The following NAV2 variants were observed in gnomAD, a reference collection of about 807,000 sequenced individuals.
NAV2 encodes the protein helicase, APC down-regulated 1.
A neutral mutation model predicts 223.2 loss-of-function variants in NAV2; 54 were observed. The observed-to-expected ratio is 0.24, with a 90% CI of 0.19 to 0.30. The LOEUF (loss-of-function observed/expected upper bound fraction) is 0.30, where lower values mean the gene tolerates loss of function less well. Among genes scored for constraint, NAV2 ranks in the 10% least tolerant of loss-of-function variants. The pLI, the probability that NAV2 is intolerant of heterozygous loss-of-function variation, is 1.00. For synonymous variants in NAV2, 1,279 were observed against 1,239.3 expected (o/e 1.03, Z -0.67); for missense variants, 2,806 against 3,147.5 (o/e 0.89, Z 2.60).
chr11:19,423,571 T>C (rs998546772), intron 1 of NAV2, among the ~76,000 whole-genome samples: 2 of 152,272 alleles, frequency 1.3e-5, no homozygotes, highest in Non-Finnish European at 2.9e-5. Context: ...GCATCTACTC[T>C]GTACCATGTA....
chr11:20,004,344 T>G (rs1591622864), intron 11 of NAV2, among the ~76,000 whole-genome samples: 1 of 152,216 alleles, frequency 6.6e-6, no homozygotes, highest in African/African-American at 2.4e-5. Flanking sequence ...TCCACACCTT[T>G]TTTGTGCTTC....
At chr11:20,018,837 G>A (rs2054238406) in intron 11 of NAV2, among the ~76,000 whole-genome samples, 1 of 152,184 alleles carries the variant, frequency 6.6e-6, no homozygotes, top group Non-Finnish European at 1.5e-5. Flanking sequence ...AAATCCCTGA[G>A]GAGGTGCCAT....
intron 1 of NAV2, among the ~76,000 whole-genome samples, chr11:19,589,989 C>CT (rs1385853671): frequency 1.3e-5 from 2 of 152,178 alleles, no homozygotes; most frequent in Non-Finnish European, 2.9e-5. Context: ...TGTGCCTCAA[C>CT]TTCCTCAGTC....
intron 26 of NAV2, 28 bp downstream of exon 26, chr11:20,083,207 A>G: frequency 6.3e-7 from 1 of 1,588,754 alleles, no homozygotes; most frequent in Non-Finnish European, 8.6e-7. Flanking sequence ...GTCAGATAAC[A>G]TCTTTGGCCC....
chr11:20,052,647 T>C (rs1039959598), intron 17 of NAV2, among the ~76,000 whole-genome samples: 2 of 152,192 alleles, frequency 1.3e-5, no homozygotes, highest in African/African-American at 4.8e-5. Flanking sequence ...AAATTCAGAA[T>C]AGAGATACAT....
intron 1 of NAV2, among the ~76,000 whole-genome samples, chr11:19,762,721 C>T (rs773147726): frequency 6.8e-6 from 1 of 148,140 alleles, no homozygotes; most frequent in Non-Finnish European, 1.5e-5. Flanking sequence ...TCAAGCAATT[C>T]TCCTGCCTCA....
intron 1 of NAV2, among the ~76,000 whole-genome samples, chr11:19,492,659 A>G (rs1252325360): frequency 1.3e-5 from 2 of 152,180 alleles, no homozygotes; most frequent in East Asian, 1.9e-4. Context: ...AACAATTGCT[A>G]TTTTGACTTC....
intron 1 of NAV2, among the ~76,000 whole-genome samples, chr11:19,387,032 A>G (rs1230555663): frequency 2.0e-5 from 3 of 152,152 alleles, no homozygotes. Flanking sequence ...TCCTCCAAGT[A>G]TCCTTTTTTT....
intron 6 of NAV2, among the ~76,000 whole-genome samples, chr11:19,900,648 G>T (rs2042375258): frequency 6.6e-6 from 1 of 152,026 alleles, no homozygotes; most frequent in African/African-American, 2.4e-5. Context: ...TAAATTCTAG[G>T]GTTCCCACAA....
intron 1 of NAV2, among the ~76,000 whole-genome samples, chr11:19,579,474 A>C (rs941506246): frequency 6.6e-6 from 1 of 152,136 alleles, no homozygotes; most frequent in Non-Finnish European, 1.5e-5. Context: ...CATGGGTGGC[A>C]GCTGATTATA....
intron 1 of NAV2, among the ~76,000 whole-genome samples, chr11:19,547,540 T>G (rs1590478367): frequency 6.6e-6 from 1 of 152,300 alleles, no homozygotes; most frequent in East Asian, 1.9e-4. Flanking sequence ...GCACACTGTG[T>G]AATCAGGCAG....
chr11:19,887,322 T>C (rs1002873735), intron 5 of NAV2, among the ~76,000 whole-genome samples: 1 of 152,006 alleles, frequency 6.6e-6, no homozygotes, highest in African/African-American at 2.4e-5. Flanking sequence ...ACCACTCTTA[T>C]TGCCTCCCGG....
chr11:19,670,586 G>C (rs1020188932), intron 1 of NAV2, among the ~76,000 whole-genome samples: 1 of 152,194 alleles, frequency 6.6e-6, no homozygotes, highest in African/African-American at 2.4e-5. Context: ...AGTCCTCAGA[G>C]GACAGGCCAG....
chr11:19,665,800 CTT>C (rs1228276886), intron 1 of NAV2, among the ~76,000 whole-genome samples: 1 of 152,138 alleles, frequency 6.6e-6, no homozygotes, highest in African/African-American at 2.4e-5. Context: ...TTATAAATAA[CTT>C]TTTTAATCAA....
intron 1 of NAV2, among the ~76,000 whole-genome samples, chr11:19,403,751 G>A (rs1159950803): frequency 6.6e-6 from 1 of 152,174 alleles, no homozygotes. Flanking sequence ...AGGCATGGAT[G>A]TCAGGTGCCA....
At chr11:19,922,874 C>A (rs946310046) in intron 6 of NAV2, among the ~76,000 whole-genome samples, 1 of 152,108 alleles carries the variant, frequency 6.6e-6, no homozygotes, top group Non-Finnish European at 1.5e-5. Context: ...TTAATATAAC[C>A]CAAGATCCCA....
chr11:19,655,731 G>A (rs576909431), intron 1 of NAV2, among the ~76,000 whole-genome samples: 10 of 134,206 alleles, frequency 7.5e-5, no homozygotes, highest in Non-Finnish European at 1.3e-4. Context: ...ATCACACACC[G>A]GGGCCTGTTT....
chr11:19,410,319 C>G (rs541360100), intron 1 of NAV2, among the ~76,000 whole-genome samples: 1 of 152,298 alleles, frequency 6.6e-6, no homozygotes, highest in East Asian at 1.9e-4. Context: ...CTAAGCCCTG[C>G]CTGATTATAT....
chr11:19,538,810 G>A (rs997393300), intron 1 of NAV2, among the ~76,000 whole-genome samples: 1 of 151,982 alleles, frequency 6.6e-6, no homozygotes, highest in Admixed American at 6.5e-5. Flanking sequence ...GAGAGATTTT[G>A]TGTACCCTTT....
Sources: gnomAD v4.1 joint callset for allele counts (sites outside exome capture counted in the v4.1 genomes callset) on GRCh38, gnomAD v4.1.1 for gene constraint, MANE v1.5 for transcripts, NCBI Gene and HGNC (gene_info 2026-07-23, HGNC 2026-07-21) for gene names.